Variants in ACOX3 observed in about 807,000 individuals in gnomAD.
ACOX3 encodes peroxisomal acyl-coenzyme A oxidase 3.
ACOX3 carries 73 observed loss-of-function variants against 81.5 expected under a neutral mutation model. That is an observed-to-expected ratio of 0.90 (90% CI 0.74 to 1.09). The LOEUF is 1.09. ACOX3 is among the 50% of genes least tolerant of loss of function. The probability of loss-of-function intolerance (pLI) is 0.00; values close to 1 mark genes in which losing one functional copy is unlikely to be tolerated. For missense variants in ACOX3, 947 were observed against 928.0 expected (o/e 1.02, Z -0.27); for synonymous variants, 387 against 375.1 (o/e 1.03, Z -0.37).
rs757702735 is a variant in ACOX3, at chr4:8,414,200, T to C, written c.543+92A>G. 1.7e-4 allele frequency: 179 copies of C among 1,069,724 alleles called. No individual in the cohort carries two copies. Among genetic ancestry groups the C allele is most frequent in the Non-Finnish European group, 2.4e-4 (167 of 701,118 alleles). 66.3% of individuals were successfully genotyped at this position (1,069,724 alleles called of 1,614,324 possible). ...TATGTGGACAGGCCTCTTGCTTTAA[T>C]GTTTTTTTTTTCTTATTCTGGGCAA... is the stretch of plus-strand genomic sequence containing the variant. On this transcript the variant is annotated intron_variant, in intron 5 of 17. Coordinates refer to ENST00000356406, the MANE Select transcript of ACOX3 (RefSeq NM_003501.3). The surrounding 1 kb of genome is among the most constrained non-coding windows in gnomAD (Gnocchi z 6.1).
At chr4:8,436,874 C>T (rs1485719009) in intron 1 of ACOX3, among the ~76,000 whole-genome samples, 3 of 147,962 alleles carry the variant, frequency 2.0e-5, no homozygotes, top group Admixed American at 2.0e-4. Context: ...TAGCTGTAGT[C>T]CCAGCTACTC....
Position 8,403,012 on chromosome 4 carries a change from C to T in ACOX3, c.776+2943G>A, listed in dbSNP as rs145702833. On this transcript the variant is annotated intron_variant, in intron 7 of 17. Coordinates refer to ENST00000356406, the MANE Select transcript of ACOX3 (RefSeq NM_003501.3). ...ACCGCCTCAGCTCAGGGCAAACGCACGAAGAAAGACCCTTAAGGTGCAGCC... is the reference window on the plus strand; with the variant it reads ...ACCGCCTCAGCTCAGGGCAAACGCATGAAGAAAGACCCTTAAGGTGCAGCC... Among the ~76,000 whole-genome samples, 179 of 152,210 alleles carry T rather than the reference C, an allele frequency of 1.2e-3. 3 individuals carry two copies. The highest frequency in any genetic ancestry group is 4.0e-3 in the African/African-American group (167 of 41,544).
chr4:8,424,377 T>C (rs572259362), intron 1 of ACOX3, among the ~76,000 whole-genome samples: 2 of 152,292 alleles, frequency 1.3e-5, no homozygotes, highest in East Asian at 1.9e-4. Flanking sequence ...TTTCTTTATG[T>C]GTCACAGAAA....
Position 8,423,048 on chromosome 4 carries a change from T to C in ACOX3, c.-14-6513A>G, listed in dbSNP as rs553838848. 4.5e-4 allele frequency among the ~76,000 whole-genome samples: 68 copies of C among 152,236 alleles called. No individual in the cohort carries two copies. The highest frequency in any genetic ancestry group is 1.5e-3 in the African/African-American group (64 of 41,548). On this transcript the variant is annotated intron_variant, in intron 1 of 17. Transcript: ENST00000356406. This position sits in a 1 kb window ranked among gnomAD's most constrained non-coding sequence, Gnocchi z 4.2. ...CCCATGCCCCAGGTATGCTTGACCA[T>C]TGGGGGCCAGAAGGTTAACTGTCTC...
downstream of ACOX3, among the ~76,000 whole-genome samples, chr4:8,365,291 G>A (rs1032096546): frequency 6.6e-6 from 1 of 152,256 alleles, no homozygotes; most frequent in Non-Finnish European, 1.5e-5. Context: ...AAGGGCCTGA[G>A]CACTCTCATT....
At chr4:8,395,978 G>A (rs1719649530) in intron 9 of ACOX3, among the ~76,000 whole-genome samples, 1 of 152,230 alleles carries the variant, frequency 6.6e-6, no homozygotes, top group African/African-American at 2.4e-5. Context: ...TCTCTCACCT[G>A]TAAAGTGGGA....
chr4:8,433,769 A>G (rs776453827), intron 1 of ACOX3, among the ~76,000 whole-genome samples: 1 of 152,234 alleles, frequency 6.6e-6, no homozygotes, highest in Non-Finnish European at 1.5e-5. Context: ...GGATTAATGT[A>G]CAAAAGTAAT....
In ACOX3 at chr4:8,405,274, C is replaced by T. The variant is rs975179538; in HGVS notation, c.776+681G>A. Among the ~76,000 whole-genome samples the T allele has an allele frequency of 1.3e-5, 2 of 152,208 alleles. No individual in the cohort carries two copies. The highest frequency in any genetic ancestry group is 2.9e-5 in the Non-Finnish European group (2 of 68,034). ...GCCTGACACTTCCCACTGCTTCCTC[C>T]ACCTGAAACGCTGCACATTCCAAAA... On this transcript the variant is annotated intron_variant, in intron 7 of 17. Transcript: ENST00000356406. This position sits in a 1 kb window ranked among gnomAD's most constrained non-coding sequence, Gnocchi z 7.1.
chr4:8,359,570 G>C, the ACOX3 span, among the ~76,000 whole-genome samples: 2 of 152,178 alleles, frequency 1.3e-5, no homozygotes, highest in Admixed American at 6.5e-5. The surrounding 1 kb of genome is among the most constrained non-coding windows in gnomAD (Gnocchi z 6.0). Flanking sequence ...ACTCTTTGCT[G>C]ATGGCTGTGA....
chr4:8,378,470 G>C (rs1328603914), intron 14 of ACOX3, among the ~76,000 whole-genome samples: 1 of 152,238 alleles, frequency 6.6e-6, no homozygotes, highest in Non-Finnish European at 1.5e-5. Flanking sequence ...CCTTGTGGCA[G>C]GGGTTGGTCC....
chr4:8,406,024 AG>A lies in ACOX3; in HGVS notation c.706del (p.Leu236PhefsTer7). On this transcript the variant is annotated frameshift_variant, in exon 7 of 18. Coordinates refer to ENST00000356406, the MANE Select transcript of ACOX3 (RefSeq NM_003501.3). LOFTEE classifies it high-confidence loss of function. This position sits in a 1 kb window ranked among gnomAD's most constrained non-coding sequence, Gnocchi z 5.6. ...AACCATCACTCCAGGCATGGGAAGA[AG>A]GGTCTTCGGGTCCCGGATCTATACA... The part of the protein sequence containing the change: ...FIVQIRDPKT[L>X]LPMPGVMVGD... 1 of 1,614,146 alleles carries A rather than the reference AG, an allele frequency of 6.2e-7. No homozygotes were observed. The highest frequency in any genetic ancestry group is 8.5e-7 in the Non-Finnish European group (1 of 1,180,032).
rs753519828 is a variant in ACOX3, at chr4:8,414,860, C to T, written c.447G>A (p.Arg149=). ...ACCATGAACCAGAACTTACCTCCAT[C>T]CTGAAGATCTTTTGAATATATGTGA... The part of the protein sequence containing the change: ...RHLTYIQKIF[R]MEIFGCFALT... The change falls in exon 4 of 18, where the codon AGG becomes AGA. Residue 149 remains arginine (R), a synonymous_variant. Transcript: ENST00000356406. The surrounding 1 kb of genome is among the most constrained non-coding windows in gnomAD (Gnocchi z 6.1). The T allele has an allele frequency of 3.9e-5, 63 of 1,614,022 alleles. No homozygotes were observed. In the South Asian group the frequency reaches 5.4e-4, roughly 14 times the overall value.
At position 8,389,828 on chromosome 4, in the gene ACOX3, G is replaced by A; in HGVS notation, c.1301-94C>T. 1 of 1,530,682 alleles carries A rather than the reference G, an allele frequency of 6.5e-7. No individual in the cohort carries two copies. The highest frequency in any genetic ancestry group is 1.2e-5 in the South Asian group (1 of 86,198). 94.8% of individuals were successfully genotyped at this position (1,530,682 alleles called of 1,614,324 possible). ...GAATTTAAAAAGCCTTAAGAGGCTGGGTGCGGTGGCTCACACCTGTAATGG... is the reference window on the plus strand; with the variant it reads ...GAATTTAAAAAGCCTTAAGAGGCTGAGTGCGGTGGCTCACACCTGTAATGG... On this transcript the variant is annotated intron_variant, in intron 11 of 17. Transcript: ENST00000356406. The surrounding 1 kb of genome is among the most constrained non-coding windows in gnomAD (Gnocchi z 5.3).
rs184048191 is a variant in ACOX3, at chr4:8,386,422, C to T, written c.1537+2751G>A. Among the ~76,000 whole-genome samples, 19 of 151,980 alleles carry T rather than the reference C, an allele frequency of 1.3e-4. No homozygotes were observed. The East Asian group carries it at 2.3e-3, about 19-fold the overall frequency. On this transcript the variant is annotated intron_variant, in intron 13 of 17. Transcript: ENST00000356406. The surrounding 1 kb of genome is among the most constrained non-coding windows in gnomAD (Gnocchi z 5.2). ...TCTACTAAAAATACAAAAAATTAGC[C>T]GGGTGTGGTTGTGGGCTCCTGTAGT...
In ACOX3 at chr4:8,386,565, CAA is replaced by C. The variant is rs567670556; in HGVS notation, c.1537+2606_1537+2607del. ...TGGGCGACAGAGCGAGACTCCGTCT[CAA>C]AAAAAAAAAAAAAAAGAAAGTGACT... On this transcript the variant is annotated intron_variant, in intron 13 of 17. Transcript: ENST00000356406. This position sits in a 1 kb window ranked among gnomAD's most constrained non-coding sequence, Gnocchi z 5.2. 2.2e-4 allele frequency among the ~76,000 whole-genome samples: 14 copies of C among 64,408 alleles called. No individual in the cohort carries two copies. Among genetic ancestry groups the C allele is most frequent in the Admixed American group, 5.5e-4 (3 of 5,484 alleles). 42.3% of individuals were successfully genotyped at this position (64,408 alleles called of 152,430 possible).
At chr4:8,356,935 GAGA>G in the ACOX3 span, 145 of 456,100 alleles carry the variant, frequency 3.2e-4, 3 homozygotes, top group Middle Eastern at 2.6e-3. Flanking sequence ...CCCAGCAGGC[GAGA>G]AGAAGAAGGT....
In ACOX3 at chr4:8,375,010, G is replaced by C; in HGVS notation, c.1796C>G (p.Ser599Cys). Residue 599 changes from serine to cysteine, a missense_variant, in exon 15 of 18, where the codon TCC (serine) becomes TGC (cysteine). Transcript: ENST00000356406. The part of the protein sequence containing the change: ...GRLSALYALW[S>C]LSRHAALLYR... ...GAGCAGGGCCGCGTGGCGGCTCAGGGACCACAGGGCGTACAGAGCACTGAG... is the reference window on the plus strand; with the variant it reads ...GAGCAGGGCCGCGTGGCGGCTCAGGCACCACAGGGCGTACAGAGCACTGAG... 2.6e-6 allele frequency: 4 copies of C among 1,542,280 alleles called. No homozygotes were observed. The highest frequency in any genetic ancestry group is 3.5e-6 in the Non-Finnish European group (4 of 1,139,882).
At chr4:8,438,727 T>C (rs1724392982) in intron 1 of ACOX3, 1 of 152,264 alleles carries the variant, frequency 6.6e-6, no homozygotes, top group Non-Finnish European at 1.5e-5. Flanking sequence ...CCATATAGGA[T>C]GGGCCTTATA....
At chr4:8,365,302 C>T (rs1052127193), downstream of ACOX3, among the ~76,000 whole-genome samples, 1 of 152,232 alleles carries the variant, frequency 6.6e-6, no homozygotes, top group African/African-American at 2.4e-5. Context: ...CACTCTCATT[C>T]CCATTCTCTC....
Sources: gnomAD v4.1 joint callset for allele counts (sites outside exome capture counted in the v4.1 genomes callset) on GRCh38, gnomAD v4.1.1 for gene constraint, Gnocchi (gnomAD v3.1) non-coding constraint, MANE v1.5 for transcripts, NCBI Gene and HGNC (gene_info 2026-07-23, HGNC 2026-07-21) for gene names.